Variants in KLF16 observed in about 807,000 individuals in gnomAD.
KLF16 encodes the protein Krueppel-like factor 16.
A neutral mutation model predicts 6.1 loss-of-function variants in KLF16; 6 were observed. The ratio of observed to expected loss-of-function variants is 0.98; its 90% CI spans 0.54 to 1.93. The LOEUF is 1.93. KLF16 is among the 30% of genes most tolerant of loss of function. The pLI, the probability that KLF16 is intolerant of heterozygous loss-of-function variation, is 0.01. For missense variants in KLF16, 355 were observed against 363.8 expected (o/e 0.98, Z 0.20); for synonymous variants, 211 against 176.5 (o/e 1.20, Z -1.55).
chr19:1,859,947 G>A (rs774416543), intron 1 of KLF16, among the ~76,000 whole-genome samples: 1 of 152,038 alleles, frequency 6.6e-6, no homozygotes, highest in African/African-American at 2.4e-5. Flanking sequence ...GCAGTGCCCA[G>A]GACAGCCCCT....
chr19:1,864,602 C>T (rs3810417), upstream of KLF16, among the ~76,000 whole-genome samples: 40,148 of 152,110 alleles, frequency 0.26, 6,208 homozygotes, highest in African/African-American at 0.42. Context: ...CTGGGGGCGC[C>T]TGAGCGGGTC....
At chr19:1,864,113 C>T (rs2012139828), upstream of KLF16, among the ~76,000 whole-genome samples, 1 of 148,498 alleles carries the variant, frequency 6.7e-6, no homozygotes, top group South Asian at 2.1e-4. Context: ...GGCGCGCCCA[C>T]CCCACGCCGG....
chr19:1,872,073 T>C, the KLF16 span, among the ~76,000 whole-genome samples: 1 of 152,106 alleles, frequency 6.6e-6, no homozygotes, highest in Non-Finnish European at 1.5e-5. Context: ...CTCCCAAAGA[T>C]GATGAAAAGC....
At chr19:1,854,921 A>C (rs2145363012) in intron 1 of KLF16, among the ~76,000 whole-genome samples, 161 bp from the exon 2 acceptor site, 1 of 151,464 alleles carries the variant, frequency 6.6e-6, no homozygotes, top group African/African-American at 2.4e-5. Context: ...AAAGAATACA[A>C]CCCTTACCCG....
upstream of KLF16, among the ~76,000 whole-genome samples, chr19:1,864,345 C>T (rs906004114): frequency 6.6e-6 from 1 of 152,238 alleles, no homozygotes; most frequent in Non-Finnish European, 1.5e-5. Context: ...TCTGCTCGTC[C>T]TCTTCTCTGG....
chr19:1,874,103 G>A, the KLF16 span, among the ~76,000 whole-genome samples: 1 of 152,180 alleles, frequency 6.6e-6, no homozygotes, highest in African/African-American at 2.4e-5. Context: ...AGATGAAGTC[G>A]TCAACTATTT....
At position 1,857,224 on chromosome 19, in the gene KLF16, C is replaced by T. The variant is rs2011972170; in HGVS notation, c.458-2464G>A. On this transcript the variant is annotated intron_variant, in intron 1 of 1. Transcript: ENST00000250916. The surrounding 1 kb of genome is among the most constrained non-coding windows in gnomAD (Gnocchi z 4.7). ...GGCTACCCACCCACGCTGCGCTGGG[C>T]GAAGCGCCTCTGCGAAATGCCAGGC... Among the ~76,000 whole-genome samples, 1 of 152,182 alleles carries T rather than the reference C, an allele frequency of 6.6e-6. No homozygotes were observed. Among genetic ancestry groups the T allele is most frequent in the East Asian group, 1.9e-4 (1 of 5,182 alleles).
At chr19:1,858,835 G>A (rs1304989685) in intron 1 of KLF16, among the ~76,000 whole-genome samples, 1 of 152,018 alleles carries the variant, frequency 6.6e-6, no homozygotes, top group Non-Finnish European at 1.5e-5. Flanking sequence ...TTCCAGAAAT[G>A]GTCTAAGCCA....
chr19:1,860,210 C>T (rs1057067475), intron 1 of KLF16: 3 of 151,942 alleles, frequency 2.0e-5, no homozygotes, highest in Non-Finnish European at 4.4e-5. Context: ...AACTCGCTGG[C>T]TCGCTCACTC....
upstream of KLF16, among the ~76,000 whole-genome samples, chr19:1,864,896 A>C (rs758359263): frequency 6.6e-6 from 1 of 152,190 alleles, no homozygotes; most frequent in Non-Finnish European, 1.5e-5. Flanking sequence ...GGGACTGCGC[A>C]GTGGCCGGAG....
At chr19:1,869,501 G>A in the KLF16 span, among the ~76,000 whole-genome samples, 144 of 152,196 alleles carry the variant, frequency 9.5e-4, no homozygotes, top group African/African-American at 3.3e-3. Flanking sequence ...AAAATGTTCT[G>A]GTTTTGACGG....
chr19:1,858,938 G>A (rs2012007806), intron 1 of KLF16, among the ~76,000 whole-genome samples: 1 of 152,060 alleles, frequency 6.6e-6, no homozygotes, highest in African/African-American at 2.4e-5. Flanking sequence ...AGCCTGGGTG[G>A]GGGTGGTTAT....
At chr19:1,858,159 C>T (rs1239584190) in intron 1 of KLF16, among the ~76,000 whole-genome samples, 1 of 152,134 alleles carries the variant, frequency 6.6e-6, no homozygotes, top group African/African-American at 2.4e-5. Flanking sequence ...TACCTCCCCA[C>T]GTGCCACCTG....
upstream of KLF16, among the ~76,000 whole-genome samples, chr19:1,866,126 A>G (rs188804584): frequency 1.3e-5 from 2 of 151,980 alleles, no homozygotes. Flanking sequence ...CAATGTGGTG[A>G]AATCCCGTCT....
chr19:1,862,994 T>C (rs935400298), intron 1 of KLF16, 47 bp downstream of exon 1: 2 of 1,175,814 alleles, frequency 1.7e-6, no homozygotes, highest in South Asian at 2.2e-5. Context: ...GGGGGAGGGG[T>C]CTCAGGCGGC....
the KLF16 span, among the ~76,000 whole-genome samples, chr19:1,871,756 G>A: frequency 6.6e-6 from 1 of 152,196 alleles, no homozygotes; most frequent in East Asian, 1.9e-4. Flanking sequence ...CCCTCCAACC[G>A]GAGGACACAG....
the KLF16 span, among the ~76,000 whole-genome samples, chr19:1,874,476 C>T: frequency 2.0e-5 from 3 of 151,506 alleles, no homozygotes; most frequent in Non-Finnish European, 2.9e-5. Context: ...TAGACATAAG[C>T]ATTTAAATAT....
the KLF16 span, among the ~76,000 whole-genome samples, chr19:1,869,935 T>C: frequency 4.7e-4 from 65 of 138,910 alleles, no homozygotes; most frequent in Non-Finnish European, 5.7e-4. Context: ...TTTTTCTTTT[T>C]TTTTTTTTTT....
chr19:1,865,886 G>A (rs192238909), upstream of KLF16, among the ~76,000 whole-genome samples: 8 of 152,310 alleles, frequency 5.3e-5, no homozygotes, highest in Non-Finnish European at 1.0e-4. Flanking sequence ...ATTCTCCACC[G>A]GGTGCGGTGG....
Sources: allele counts gnomAD v4.1 joint callset (sites outside exome capture counted in the v4.1 genomes callset), GRCh38; gene constraint gnomAD v4.1.1; non-coding constraint Gnocchi (gnomAD v3.1); transcripts MANE v1.5; gene names NCBI Gene and HGNC (gene_info 2026-07-23, HGNC 2026-07-21).